Variants in PDE1A observed in about 807,000 individuals in gnomAD.
PDE1A encodes dual specificity calcium/calmodulin-dependent 3',5'-cyclic nucleotide phosphodiesterase 1A.
PDE1A carries 35 observed loss-of-function variants against 61.7 expected under a neutral mutation model. The observed-to-expected ratio is 0.57, with a 90% CI of 0.43 to 0.75. The LOEUF is 0.75. PDE1A is among the 30% of genes least tolerant of loss of function. The pLI is 0.00. For synonymous variants in PDE1A, 232 were observed against 213.2 expected (o/e 1.09, Z -0.77); for missense variants, 597 against 630.6 (o/e 0.95, Z 0.57).
At chr2:182,683,819 T>C in the PDE1A span, among the ~76,000 whole-genome samples, 1 of 152,096 alleles carries the variant, frequency 6.6e-6, no homozygotes, top group Non-Finnish European at 1.5e-5. Flanking sequence ...AACAAACTGC[T>C]GATAGAAATG....
intron 2 of PDE1A, among the ~76,000 whole-genome samples, chr2:182,432,826 C>T (rs1334840650): frequency 6.6e-6 from 1 of 151,950 alleles, no homozygotes; most frequent in Admixed American, 6.6e-5. Context: ...CCTTTATGTC[C>T]TCTGGTCTCT....
intron 13 of PDE1A, among the ~76,000 whole-genome samples, chr2:182,158,253 A>T (rs528408767): frequency 1.3e-5 from 2 of 152,336 alleles, no homozygotes; most frequent in African/African-American, 4.8e-5. Context: ...TACTTTATTG[A>T]TCTACAACTT....
At chr2:182,367,210 T>C (rs1158560887) in intron 1 of PDE1A, among the ~76,000 whole-genome samples, 1 of 152,092 alleles carries the variant, frequency 6.6e-6, no homozygotes, top group Non-Finnish European at 1.5e-5. Context: ...AAATGACAGC[T>C]GAGTTTAATA....
chr2:182,219,152 T>G (rs1208549632), intron 7 of PDE1A, among the ~76,000 whole-genome samples: 1 of 152,108 alleles, frequency 6.6e-6, no homozygotes, highest in Non-Finnish European at 1.5e-5. Context: ...TGCTTTAAAA[T>G]TAAGATAGAA....
At chr2:182,149,730 T>G (rs1441844431) in intron 13 of PDE1A, among the ~76,000 whole-genome samples, 2 of 152,172 alleles carry the variant, frequency 1.3e-5, no homozygotes, top group East Asian at 3.8e-4. Context: ...GGAAACAATT[T>G]GCATTTTCAA....
the PDE1A span, among the ~76,000 whole-genome samples, chr2:182,578,310 C>T: frequency 6.6e-6 from 1 of 152,068 alleles, no homozygotes; most frequent in African/African-American, 2.4e-5. Flanking sequence ...TAAGGGTCCT[C>T]TTTTATACCT....
chr2:182,481,852 A>G (rs1438927885), intron 2 of PDE1A, among the ~76,000 whole-genome samples: 5 of 151,954 alleles, frequency 3.3e-5, no homozygotes, highest in Non-Finnish European at 7.4e-5. Flanking sequence ...TACTAATCTG[A>G]TAAGAGGCAT....
At chr2:182,655,820 C>G in the PDE1A span, among the ~76,000 whole-genome samples, 1 of 152,214 alleles carries the variant, frequency 6.6e-6, no homozygotes, top group African/African-American at 2.4e-5. Context: ...TTTCCGTGAT[C>G]TGAGCCCTGA....
intron 1 of PDE1A, among the ~76,000 whole-genome samples, chr2:182,339,812 A>G (rs1423072625): frequency 6.6e-6 from 1 of 152,074 alleles, no homozygotes; most frequent in Non-Finnish European, 1.5e-5. Flanking sequence ...TAGCAGGTCT[A>G]CTCCATGTAG....
At chr2:182,334,225 T>A (rs767295827) in intron 1 of PDE1A, among the ~76,000 whole-genome samples, 17 of 151,624 alleles carry the variant, frequency 1.1e-4, no homozygotes, top group Non-Finnish European at 2.1e-4. Context: ...CCCTAACTCA[T>A]TTTATGAGGC....
intron 1 of PDE1A, among the ~76,000 whole-genome samples, chr2:182,379,560 G>A (rs920594944): frequency 2.0e-5 from 3 of 152,086 alleles, no homozygotes; most frequent in African/African-American, 7.2e-5. Context: ...CAGGAATAAA[G>A]CAGTACTCAA....
the PDE1A span, among the ~76,000 whole-genome samples, chr2:182,662,288 A>G: frequency 6.6e-6 from 1 of 151,218 alleles, no homozygotes; most frequent in Non-Finnish European, 1.5e-5. Flanking sequence ...TAAAAAACCT[A>G]CATATTAAAA....
At chr2:182,346,714 C>A (rs1698542076) in intron 1 of PDE1A, among the ~76,000 whole-genome samples, 1 of 152,118 alleles carries the variant, frequency 6.6e-6, no homozygotes, top group African/African-American at 2.4e-5. Context: ...TATGCACATA[C>A]AGATGAAGGT....
At chr2:182,255,703 G>A (rs574426268) in intron 2 of PDE1A, among the ~76,000 whole-genome samples, 13 of 148,800 alleles carry the variant, frequency 8.7e-5, no homozygotes, top group Admixed American at 3.3e-4. Context: ...TGTCACCCAG[G>A]CTGGAGTGCA....
intron 2 of PDE1A, among the ~76,000 whole-genome samples, chr2:182,443,904 T>C (rs546563037): frequency 1.3e-5 from 2 of 152,140 alleles, no homozygotes; most frequent in South Asian, 4.1e-4. Flanking sequence ...GGTTTCTCCA[T>C]GTTGGTCAGG....
At chr2:182,700,084 T>C in the PDE1A span, among the ~76,000 whole-genome samples, 289 of 152,340 alleles carry the variant, frequency 1.9e-3, 1 homozygote, top group African/African-American at 6.6e-3. Flanking sequence ...GAAAACCACT[T>C]TCTCATTGCC....
chr2:182,260,021 T>C (rs1233491374), intron 2 of PDE1A, among the ~76,000 whole-genome samples: 2 of 152,220 alleles, frequency 1.3e-5, no homozygotes, highest in African/African-American at 4.8e-5. Flanking sequence ...GTCATATTCA[T>C]TAGGGTATTG....
intron 1 of PDE1A, among the ~76,000 whole-genome samples, chr2:182,425,172 G>C (rs1054697876): frequency 9.8e-5 from 15 of 152,322 alleles, no homozygotes; most frequent in African/African-American, 3.6e-4. Context: ...ATGATGGCTA[G>C]GTGGATCTGA....
At chr2:182,573,397 T>A in the PDE1A span, among the ~76,000 whole-genome samples, 16 of 151,868 alleles carry the variant, frequency 1.1e-4, no homozygotes, top group East Asian at 1.9e-4. Flanking sequence ...AATCATTTTT[T>A]AAAAAAAATA....
Sources: gnomAD v4.1 joint callset for allele counts (sites outside exome capture counted in the v4.1 genomes callset) on GRCh38, gnomAD v4.1.1 for gene constraint, MANE v1.5 for transcripts, NCBI Gene and HGNC (gene_info 2026-07-23, HGNC 2026-07-21) for gene names.